The following ABCB10 variants were observed in gnomAD, a reference collection of about 807,000 sequenced individuals.
The protein encoded by ABCB10 is ATP binding cassette subfamily B member 10.
Under a neutral mutation model 65.4 loss-of-function variants are expected in ABCB10, and 54 were observed. That is an observed-to-expected ratio of 0.83 (90% CI 0.66 to 1.04). The LOEUF (loss-of-function observed/expected upper bound fraction) is 1.04. ABCB10 is among the 50% of genes least tolerant of loss of function. ABCB10 has a pLI of 0.00. For missense variants in ABCB10, 846 were observed against 976.6 expected (o/e 0.87, Z 1.78); for synonymous variants, 418 against 406.5 (o/e 1.03, Z -0.34).
At chr1:229,537,708 T>C (rs1558124417) in intron 6 of ABCB10, among the ~76,000 whole-genome samples, 1 of 152,294 alleles carries the variant, frequency 6.6e-6, no homozygotes. Context: ...GAGAACTGCT[T>C]CAACCCGGGA....
In ABCB10 at chr1:229,524,047, T is replaced by C. The variant is rs540704937; in HGVS notation, c.1906+1889A>G. On this transcript the variant is annotated intron_variant, in intron 10 of 12. Transcript: ENST00000344517. The stretch of plus-strand genomic sequence containing the variant: ...CCCTTTTGTTTTATATTTTCTGTGG[T>C]CTAACTTCAAATGAAAAGTTTAGCA... 1.1e-4 allele frequency among the ~76,000 whole-genome samples: 17 copies of C among 152,192 alleles called. No homozygotes were observed. In the South Asian group the frequency reaches 1.9e-3, roughly 17 times the overall value.
Position 229,547,510 on chromosome 1 carries a change from T to A in ABCB10, c.910A>T (p.Ile304Phe). 6.2e-7 allele frequency: 1 copy of A among 1,612,622 alleles called. No individual in the cohort carries two copies. Among genetic ancestry groups the A allele is most frequent in the Non-Finnish European group, 8.5e-7 (1 of 1,179,860 alleles). The change falls in exon 3 of 13, where the codon ATC (isoleucine) becomes TTC (phenylalanine). Residue 304 changes from isoleucine to phenylalanine, a missense_variant. Coordinates refer to ENST00000344517, the MANE Select transcript of ABCB10 (RefSeq NM_012089.3). ...LRAGAQASVG[I>F]SMMFFVSPNL... ...CCAGGCCCACATACCATCATACTGA[T>A]GCCTACGGAAGCCTGGGCCCCGGCC...
At chr1:229,543,443 A>C (rs1202223776) in intron 3 of ABCB10, among the ~76,000 whole-genome samples, 1 of 152,228 alleles carries the variant, frequency 6.6e-6, no homozygotes, top group Non-Finnish European at 1.5e-5. Flanking sequence ...CACAGAAAAT[A>C]GTATAATCAG....
rs764088551 is a variant in ABCB10, at chr1:229,542,377, A to C, written c.922-6T>G. ...AGATTAGGTGAGACAAAAAACTGTC[A>C]AAAACAAAAAAAAATTCAGAGGTGT... On this transcript the variant is annotated splice_polypyrimidine_tract_variant and splice_region_variant and intron_variant, in intron 3 of 12. Coordinates refer to ENST00000344517, the MANE Select transcript of ABCB10 (RefSeq NM_012089.3). 6.2e-7 allele frequency: 1 copy of C among 1,607,598 alleles called. No homozygotes were observed. Among genetic ancestry groups the C allele is most frequent in the Non-Finnish European group, 8.5e-7 (1 of 1,177,960 alleles).
intron 10 of ABCB10, among the ~76,000 whole-genome samples, chr1:229,522,008 A>G (rs771264241): frequency 5.9e-5 from 9 of 151,818 alleles, no homozygotes; most frequent in Non-Finnish European, 1.0e-4. Context: ...CTGAGACTAC[A>G]GGTGTGCACC....
chr1:229,524,678 T>C (rs1223711804), intron 10 of ABCB10, among the ~76,000 whole-genome samples: 1 of 152,228 alleles, frequency 6.6e-6, no homozygotes, highest in Non-Finnish European at 1.5e-5. Flanking sequence ...TCGCTCACTT[T>C]GCCTCACAGC....
In ABCB10 at chr1:229,518,316, T is replaced by G; in HGVS notation, c.2080A>C (p.Thr694Pro). ...GCAACCATATTAGCATTCTTAATGGTGGACAGACGATGGGCAATAACTAAC... is the reference window on the plus strand; with the variant it reads ...GCAACCATATTAGCATTCTTAATGGGGGACAGACGATGGGCAATAACTAAC... ...TVLVIAHRLS[T>P]IKNANMVAVL... Residue 694 changes from threonine (T) to proline (P), a missense_variant, in exon 13 of 13, where the codon ACC becomes CCC. Physicochemically the swap from Thr to Pro is conservative, Grantham distance 38. Transcript: ENST00000344517. The G allele has an allele frequency of 6.2e-7, 1 of 1,614,244 alleles. No individual in the cohort carries two copies. Among genetic ancestry groups the G allele is most frequent in the Non-Finnish European group, 8.5e-7 (1 of 1,180,048 alleles).
intron 1 of ABCB10, among the ~76,000 whole-genome samples, chr1:229,557,218 C>A (rs974945329): frequency 3.0e-5 from 4 of 135,392 alleles, no homozygotes; most frequent in Non-Finnish European, 4.6e-5. Flanking sequence ...TGGTGTTGCA[C>A]CTGACAACCT....
intron 1 of ABCB10, among the ~76,000 whole-genome samples, chr1:229,556,229 G>A (rs1486386850): frequency 3.9e-5 from 6 of 152,126 alleles, no homozygotes; most frequent in South Asian, 2.1e-4. Flanking sequence ...AAAATTAGCC[G>A]GGTATGATGG....
At chr1:229,519,378 T>C (rs1364205280) in intron 11 of ABCB10, among the ~76,000 whole-genome samples, 3 of 152,192 alleles carry the variant, frequency 2.0e-5, no homozygotes, top group Non-Finnish European at 2.9e-5. Flanking sequence ...ATCAGAGTAA[T>C]CACTAGACCA....
In ABCB10 at chr1:229,526,106, A is replaced by T. The variant is rs1234953575; in HGVS notation, c.1736T>A (p.Leu579Ter). The T allele has an allele frequency of 6.2e-7, 1 of 1,608,734 alleles. No individual in the cohort carries two copies. Among genetic ancestry groups the T allele is most frequent in the Non-Finnish European group, 8.5e-7 (1 of 1,178,428 alleles). Residue 579 changes from leucine (L) to a stop codon, truncating the protein, a stop_gained, in exon 10 of 13, where the codon TTG (leucine) becomes TAG (stop). Transcript: ENST00000344517. LOFTEE classifies it high-confidence loss of function. ...GTTCTCAGCAATAGAGCAAGAAAAC[A>T]AAATGGGTTCCTACAAATTGGAAAT... ...KIGTVSQEPI[L>*]FSCSIAENIA...
chr1:229,522,222 A>C (rs938116205), intron 10 of ABCB10, among the ~76,000 whole-genome samples: 1 of 147,070 alleles, frequency 6.8e-6, no homozygotes, highest in African/African-American at 2.5e-5. Flanking sequence ...ATTTTAAATA[A>C]TTTCAAACAA....
At chr1:229,549,460 T>C (rs750190303) in intron 1 of ABCB10, 26 bp from the exon 2 acceptor site, 31 of 1,596,446 alleles carry the variant, frequency 1.9e-5, no homozygotes, top group Non-Finnish European at 2.1e-5. Context: ...ACTCTCAATG[T>C]TCAGGTTGCT....
At chr1:229,543,209 A>C (rs565042744) in intron 3 of ABCB10, among the ~76,000 whole-genome samples, 11 of 152,170 alleles carry the variant, frequency 7.2e-5, no homozygotes, top group African/African-American at 2.6e-4. Context: ...AAGTCGAAGA[A>C]GAATTAGAGC....
intron 1 of ABCB10, among the ~76,000 whole-genome samples, 197 bp downstream of exon 1, chr1:229,557,939 T>A (rs1193010190): frequency 6.6e-6 from 1 of 151,782 alleles, no homozygotes; most frequent in Admixed American, 6.6e-5. Context: ...TGCAAACGAG[T>A]CCCCAGCTAA....
In ABCB10 at chr1:229,521,428, T is replaced by C. The variant is rs1662311575; in HGVS notation, c.1950+164A>G. Among the ~76,000 whole-genome samples, 1 of 150,808 alleles carries C rather than the reference T, an allele frequency of 6.6e-6. No homozygotes were observed. Among genetic ancestry groups the C allele is most frequent in the South Asian group, 2.1e-4 (1 of 4,792 alleles). ...TACTTGTTAAATTTGGACAATATAC[T>C]ACACTAACTTACCTTTCACCAGAAC... On this transcript the variant is annotated intron_variant, in intron 11 of 12. Coordinates refer to ENST00000344517, the MANE Select transcript of ABCB10 (RefSeq NM_012089.3).
chr1:229,552,466 TTCAAG>T (rs770216727), intron 1 of ABCB10, among the ~76,000 whole-genome samples: 9 of 152,324 alleles, frequency 5.9e-5, no homozygotes, highest in East Asian at 5.8e-4. Context: ...GACAGATACC[TTCAAG>T]TATCTTTGTT....
chr1:229,558,627 A>G lies in ABCB10; in HGVS notation c.26T>C (p.Leu9Pro). Residue 9 changes from leucine (L) to proline (P), a missense_variant, in exon 1 of 13, where the codon CTG becomes CCG. Around this residue, in one of 2 missense-constraint regions of ABCB10, gnomAD observed 214 missense variants for 173.5 expected, o/e 1.23. Coordinates refer to ENST00000344517, the MANE Select transcript of ABCB10 (RefSeq NM_012089.3). MRGPPAWP[L>P]RLLEPPSPAE... is the part of the protein sequence containing the mutation. ...AGGGCTCGGTGGCTCGAGCAGCCGC[A>G]GCGGCCAGGCAGGGGGGCCTCGCAT... 1.4e-6 allele frequency: 2 copies of G among 1,406,286 alleles called. No individual in the cohort carries two copies. Among genetic ancestry groups the G allele is most frequent in the South Asian group, 1.4e-5 (1 of 70,414 alleles). The allele number at this position is 1,406,286 out of a possible 1,614,324, so 87.1% of individuals were successfully genotyped here.
In ABCB10 at chr1:229,542,412, T is replaced by C. The variant is rs564154205; in HGVS notation, c.922-41A>G. The C allele has an allele frequency of 2.5e-6, 4 of 1,597,038 alleles. 1 individual carries two copies. The South Asian group carries it at 4.5e-5, about 18-fold the overall frequency. ...AAAAATTCAGAGGTGTTTGTTACAT[T>C]GGGTGGCAAGACATTCTCATTACCT... On this transcript the variant is annotated intron_variant, in intron 3 of 12. Coordinates refer to ENST00000344517, the MANE Select transcript of ABCB10 (RefSeq NM_012089.3).
Sources: allele counts gnomAD v4.1 joint callset (sites outside exome capture counted in the v4.1 genomes callset), GRCh38; gene constraint gnomAD v4.1.1; regional missense constraint gnomAD v4.1.1; transcripts MANE v1.5; gene names NCBI Gene and HGNC (gene_info 2026-07-23, HGNC 2026-07-21).